STRA8: variants seen among roughly 807,000 people sequenced by gnomAD.
STRA8 encodes the protein stimulated by retinoic acid gene 8 protein homolog.
Under a neutral mutation model 37.1 loss-of-function variants are expected in STRA8, and 18 were observed. The observed-to-expected ratio is 0.48, with a 90% CI of 0.34 to 0.72. The LOEUF (loss-of-function observed/expected upper bound fraction) is 0.72. STRA8 is among the 30% of genes least tolerant of loss of function. The pLI is 0.01. For synonymous variants in STRA8, 168 were observed against 162.9 expected (o/e 1.03, Z -0.24); for missense variants, 357 against 410.4 (o/e 0.87, Z 1.13).
chr7:135,251,713 C>T, intron 6 of STRA8, 83 bp from the exon 7 acceptor site: 3 of 1,364,488 alleles, frequency 2.2e-6, no homozygotes, highest in Non-Finnish European at 2.1e-6. Flanking sequence ...AGAGCCTTTC[C>T]ACTCATCTCT....
At chr7:135,252,489 G>A (rs1194729777) in intron 7 of STRA8, among the ~76,000 whole-genome samples, 4 of 152,170 alleles carry the variant, frequency 2.6e-5, no homozygotes, top group African/African-American at 9.7e-5. Context: ...AATTCAGTGG[G>A]TATTCTTGGG....
At chr7:135,236,266 A>ATGTG (rs138036826) in intron 1 of STRA8, among the ~76,000 whole-genome samples, 39 of 146,258 alleles carry the variant, frequency 2.7e-4, no homozygotes, top group Admixed American at 9.0e-4. Context: ...ATATATATAT[A>ATGTG]TGTGTGTGTG....
At chr7:135,240,992 A>C (rs1832456410) in intron 2 of STRA8, among the ~76,000 whole-genome samples, 1 of 152,168 alleles carries the variant, frequency 6.6e-6, no homozygotes, top group South Asian at 2.1e-4. Flanking sequence ...CTGTGTTCTC[A>C]CATGGGGGAA....
Position 135,246,907 on chromosome 7 carries a change from C to T in STRA8, c.879+205C>T, listed in dbSNP as rs1465222654. On this transcript the variant is annotated intron_variant, in intron 6 of 8. Coordinates refer to ENST00000662584, the MANE Select transcript of STRA8 (RefSeq NM_001394401.1). This position sits in a 1 kb window ranked among gnomAD's most constrained non-coding sequence, Gnocchi z 5.4. ...TCGCCCAGGCTGGAGTGCAGTGGCGCGATCTCGGCTCACTGCAAGCTCTGG... is the reference window on the plus strand; with the variant it reads ...TCGCCCAGGCTGGAGTGCAGTGGCGTGATCTCGGCTCACTGCAAGCTCTGG... 71 of 546,302 alleles carry T rather than the reference C, an allele frequency of 1.3e-4. 1 individual carries two copies. The highest frequency in any genetic ancestry group is 2.0e-4 in the Non-Finnish European group (65 of 324,112). 33.8% of individuals were successfully genotyped at this position (546,302 alleles called of 1,614,324 possible). A position where few individuals can be genotyped will look rare whatever the true frequency, so the allele number is the denominator to read the frequency against.
At chr7:135,247,731 C>A (rs1832585469) in intron 6 of STRA8, among the ~76,000 whole-genome samples, 1 of 152,206 alleles carries the variant, frequency 6.6e-6, no homozygotes, top group Admixed American at 6.5e-5. Flanking sequence ...CAACTGCTAC[C>A]GTAAATGCAT....
At chr7:135,237,080 G>A (rs1374522702) in intron 1 of STRA8, among the ~76,000 whole-genome samples, 1 of 152,162 alleles carries the variant, frequency 6.6e-6, no homozygotes, top group African/African-American at 2.4e-5. Flanking sequence ...AGGGCAAGTT[G>A]GCTCTAGATC....
chr7:135,251,728 A>C (rs953827049), intron 6 of STRA8, 68 bp from the exon 7 acceptor site: 1 of 1,519,970 alleles, frequency 6.6e-7, no homozygotes, highest in African/African-American at 1.4e-5. Context: ...ATCTCTCCCC[A>C]GCAGCCCAGG....
At chr7:135,255,586 C>T (rs990564974) in intron 8 of STRA8, among the ~76,000 whole-genome samples, 2 of 152,202 alleles carry the variant, frequency 1.3e-5, no homozygotes, top group African/African-American at 2.4e-5. Flanking sequence ...TCAGTGGCAG[C>T]GTTAGATTCT....
intron 6 of STRA8, among the ~76,000 whole-genome samples, chr7:135,249,077 A>G (rs1400237530): frequency 6.6e-6 from 1 of 152,204 alleles, no homozygotes; most frequent in Admixed American, 6.5e-5. Context: ...CATGAAGAAA[A>G]CGAAAGGAAA....
intron 8 of STRA8, among the ~76,000 whole-genome samples, chr7:135,256,449 C>T (rs1832704355): frequency 6.6e-6 from 1 of 152,194 alleles, no homozygotes; most frequent in African/African-American, 2.4e-5. Context: ...ACAATCTTTG[C>T]CTCCCCTCCT....
chr7:135,242,708 G>T, intron 2 of STRA8, 73 bp from the exon 3 acceptor site: 1 of 1,465,430 alleles, frequency 6.8e-7, no homozygotes, highest in African/African-American at 1.4e-5. Context: ...CCCTGGGAAG[G>T]GATTCCTGGG....
chr7:135,255,921 A>G (rs1371212489), intron 8 of STRA8, among the ~76,000 whole-genome samples: 2 of 152,234 alleles, frequency 1.3e-5, no homozygotes, highest in Non-Finnish European at 2.9e-5. Context: ...CTATTTCATC[A>G]TCTTCTACAG....
At chr7:135,251,119 A>G (rs892665015) in intron 6 of STRA8, among the ~76,000 whole-genome samples, 1 of 152,240 alleles carries the variant, frequency 6.6e-6, no homozygotes, top group African/African-American at 2.4e-5. Flanking sequence ...TATGTCTCTT[A>G]TAAAGCAGAT....
chr7:135,240,448 G>T, intron 1 of STRA8, 71 bp from the exon 2 acceptor site: 1 of 1,498,706 alleles, frequency 6.7e-7, no homozygotes. Flanking sequence ...GCCTCAATTT[G>T]CCTTCCTTTT....
At chr7:135,241,669 A>G (rs916274036) in intron 2 of STRA8, among the ~76,000 whole-genome samples, 3 of 152,086 alleles carry the variant, frequency 2.0e-5, no homozygotes, top group Non-Finnish European at 4.4e-5. Context: ...CAGTTGGACT[A>G]TTCCCTCCTC....
chr7:135,258,204 G>A (rs537431660), intron 8 of STRA8, among the ~76,000 whole-genome samples: 153 of 152,090 alleles, frequency 1.0e-3, no homozygotes, highest in African/African-American at 3.6e-3. Context: ...CCTTTCTGGA[G>A]GTCATAGAAT....
At chr7:135,253,315 C>T (rs535235463) in intron 7 of STRA8, among the ~76,000 whole-genome samples, 1 of 152,250 alleles carries the variant, frequency 6.6e-6, no homozygotes, top group East Asian at 1.9e-4. Context: ...CCGGAGTCCC[C>T]CACCTCCTAA....
chr7:135,257,921 A>G (rs1832724190), intron 8 of STRA8, among the ~76,000 whole-genome samples: 1 of 152,206 alleles, frequency 6.6e-6, no homozygotes, highest in Admixed American at 6.5e-5. Context: ...TATTCTACAG[A>G]TATTATATAT....
chr7:135,253,945 G>A (rs547486445), intron 7 of STRA8, among the ~76,000 whole-genome samples: 1 of 152,314 alleles, frequency 6.6e-6, no homozygotes, highest in Admixed American at 6.5e-5. Context: ...GCTGTCCCTA[G>A]TAACCCAGCT....
Sources: gnomAD v4.1 joint callset for allele counts (sites outside exome capture counted in the v4.1 genomes callset) on GRCh38, gnomAD v4.1.1 for gene constraint, Gnocchi (gnomAD v3.1) non-coding constraint, MANE v1.5 for transcripts, NCBI Gene and HGNC (gene_info 2026-07-23, HGNC 2026-07-21) for gene names.